DNAH12: variants seen among roughly 807,000 people sequenced by gnomAD.
DNAH12 encodes dynein axonemal heavy chain 12.
In DNAH12, 285 loss-of-function variants were observed where a neutral mutation model predicts 371.5. The observed-to-expected ratio is 0.77, with a 90% CI of 0.70 to 0.85. The LOEUF (loss-of-function observed/expected upper bound fraction) is 0.85. Among genes scored for constraint, DNAH12 ranks in the 40% least tolerant of loss-of-function variants. The probability of loss-of-function intolerance (pLI) is 0.00; values close to 1 mark genes in which losing one functional copy is unlikely to be tolerated. For missense variants in DNAH12, 3,611 were observed against 3,689.4 expected (o/e 0.98, Z 0.55); for synonymous variants, 1,200 against 1,213.0 (o/e 0.99, Z 0.22).
intron 36 of DNAH12, 64 bp downstream of exon 36, chr3:57,421,454 A>T: frequency 1.3e-6 from 2 of 1,483,266 alleles, no homozygotes; most frequent in Non-Finnish European, 1.8e-6. Flanking sequence ...AAAACCCAGG[A>T]GCTTTGTCTG....
intron 43 of DNAH12, among the ~76,000 whole-genome samples, chr3:57,395,251 ACAT>A (rs1396718195): frequency 6.6e-6 from 1 of 152,084 alleles, no homozygotes; most frequent in African/African-American, 2.4e-5. Flanking sequence ...GGGAGTTTTT[ACAT>A]CATGGAAATT....
At chr3:57,494,137 G>A (rs529924136) in intron 11 of DNAH12, among the ~76,000 whole-genome samples, 1 of 152,296 alleles carries the variant, frequency 6.6e-6, no homozygotes, top group Non-Finnish European at 1.5e-5. Flanking sequence ...AGAGGCTGAG[G>A]TGGGAAGATT....
intron 60 of DNAH12, among the ~76,000 whole-genome samples, chr3:57,348,187 G>T (rs896009372): frequency 6.6e-6 from 1 of 152,060 alleles, no homozygotes; most frequent in Non-Finnish European, 1.5e-5. Context: ...GCACTAAAAA[G>T]AAATAAGCTA....
chr3:57,468,430 C>A (rs944134168), intron 17 of DNAH12, among the ~76,000 whole-genome samples: 22 of 152,048 alleles, frequency 1.4e-4, no homozygotes, highest in African/African-American at 5.1e-4. Context: ...TGAGACCAGC[C>A]TGGGCAACAC....
chr3:57,411,800 C>A (rs1183119218), intron 39 of DNAH12, among the ~76,000 whole-genome samples: 1 of 152,074 alleles, frequency 6.6e-6, no homozygotes, highest in Non-Finnish European at 1.5e-5. Context: ...TAAATCCCAG[C>A]AAGTTATTTT....
upstream of DNAH12, among the ~76,000 whole-genome samples, chr3:57,546,220 G>T (rs977987003): frequency 6.6e-6 from 1 of 151,956 alleles, no homozygotes; most frequent in South Asian, 2.1e-4. Context: ...AGCCTCATAG[G>T]GGGCACCCCA....
chr3:57,549,779 A>G, the DNAH12 span, among the ~76,000 whole-genome samples: 5 of 151,788 alleles, frequency 3.3e-5, no homozygotes, highest in South Asian at 1.0e-3. Context: ...ATGAACCACC[A>G]TGCCCAGCTA....
chr3:57,407,499 G>A (rs1383314498), intron 40 of DNAH12, among the ~76,000 whole-genome samples: 1 of 152,150 alleles, frequency 6.6e-6, no homozygotes, highest in Non-Finnish European at 1.5e-5. Context: ...CTGAAACAAG[G>A]GGAGAATTTT....
rs189323993 is a variant in DNAH12, at chr3:57,334,842, T to C, written c.9773A>G (p.Gln3258Arg). 1.3e-6 allele frequency: 2 copies of C among 1,552,082 alleles called. No homozygotes were observed. The highest frequency in any genetic ancestry group is 3.9e-5 in the Admixed American group (2 of 51,012). ...AEKNPDPTWL[Q>R]DKSWEEICRA... ...ACAGATTTCCTCCCAGCTTTTGTCCTGTAGCCAAGTTGGATCAGGATTTTT... is the reference window on the plus strand; with the variant it reads ...ACAGATTTCCTCCCAGCTTTTGTCCCGTAGCCAAGTTGGATCAGGATTTTT... The change falls in exon 61 of 74, where the codon CAG (glutamine) becomes CGG (arginine). Residue 3258 changes from glutamine to arginine, a missense_variant. This residue lies in a region of DNAH12 where 2,266 missense variants were observed against 2,236.9 expected (regional missense o/e 1.01). Coordinates refer to ENST00000495027, the MANE Select transcript of DNAH12 (RefSeq NM_001366028.2).
chr3:57,376,891 T>TA (rs1312932616), intron 53 of DNAH12, 90 bp downstream of exon 53: 1 of 152,180 alleles, frequency 6.6e-6, no homozygotes, highest in Non-Finnish European at 1.5e-5. Flanking sequence ...CCAGCCATTG[T>TA]AAAATCAGTA....
At chr3:57,302,530 TATATATATATATA>T (rs1218398049) in intron 69 of DNAH12, among the ~76,000 whole-genome samples, 3 of 17,526 alleles carry the variant, frequency 1.7e-4, no homozygotes, top group Admixed American at 1.2e-3. Flanking sequence ...GCATCAGGTG[TATATATATATATA>T]TATATATATA....
chr3:57,334,235 G>A (rs1322025468), intron 62 of DNAH12, among the ~76,000 whole-genome samples: 1 of 152,124 alleles, frequency 6.6e-6, no homozygotes, highest in Non-Finnish European at 1.5e-5. Flanking sequence ...TAATATATGT[G>A]CAACTGAAAT....
intron 62 of DNAH12, among the ~76,000 whole-genome samples, chr3:57,324,903 A>G (rs575042176): frequency 1.8e-4 from 28 of 152,200 alleles, no homozygotes; most frequent in Non-Finnish European, 3.7e-4. Context: ...AAAAAACGGC[A>G]CACCAGGAGA....
upstream of DNAH12, among the ~76,000 whole-genome samples, chr3:57,547,909 A>G (rs554605017): frequency 1.3e-5 from 2 of 152,194 alleles, no homozygotes; most frequent in Admixed American, 6.5e-5. Flanking sequence ...ATTCCAGAGT[A>G]TGTATCAGAC....
At chr3:57,335,051 T>C in intron 60 of DNAH12, 111 bp from the exon 61 acceptor site, 2 of 1,143,916 alleles carry the variant, frequency 1.7e-6, no homozygotes, top group Non-Finnish European at 2.4e-6. Context: ...CTTACCCACC[T>C]GCTGTAAACA....
chr3:57,371,570 T>A (rs1262653980), intron 55 of DNAH12, among the ~76,000 whole-genome samples: 1 of 151,698 alleles, frequency 6.6e-6, no homozygotes, highest in Admixed American at 6.6e-5. Context: ...TCCAGCTACA[T>A]CAGGAGGCTG....
chr3:57,302,634 G>A (rs1481915765), intron 69 of DNAH12, among the ~76,000 whole-genome samples: 13 of 132,156 alleles, frequency 9.8e-5, no homozygotes, highest in African/African-American at 1.5e-4. Flanking sequence ...GGAGTGCAGC[G>A]GCATGATCTC....
chr3:57,503,682 C>T (rs188101086), intron 9 of DNAH12, among the ~76,000 whole-genome samples: 91 of 152,166 alleles, frequency 6.0e-4, no homozygotes, highest in Middle Eastern at 6.8e-3. Context: ...GCACTGCGCC[C>T]GGCTGACAAA....
intron 25 of DNAH12, among the ~76,000 whole-genome samples, chr3:57,449,416 C>T (rs1394729069): frequency 1.3e-5 from 2 of 152,226 alleles, no homozygotes; most frequent in Non-Finnish European, 2.9e-5. Context: ...CTCAGGGAGG[C>T]TCCGGCCGCA....
Sources: allele counts gnomAD v4.1 joint callset (sites outside exome capture counted in the v4.1 genomes callset), GRCh38; gene constraint gnomAD v4.1.1; regional missense constraint gnomAD v4.1.1; transcripts MANE v1.5; gene names NCBI Gene and HGNC (gene_info 2026-07-23, HGNC 2026-07-21).